Variants in CREB5 observed in about 807,000 individuals in gnomAD.
CREB5 encodes the protein cyclic AMP-responsive element-binding protein 5.
Under a neutral mutation model 57.1 loss-of-function variants are expected in CREB5, and 19 were observed. That is an observed-to-expected ratio of 0.33 (90% CI 0.23 to 0.49). The LOEUF is 0.49. Ranked by LOEUF, CREB5 falls within the 20% of genes least tolerant of loss-of-function variation. The probability of loss-of-function intolerance (pLI) is 0.99; values close to 1 mark genes in which losing one functional copy is unlikely to be tolerated. For missense variants in CREB5, 579 were observed against 671.6 expected, an observed-to-expected ratio of 0.86 and a Z score of 1.52; for synonymous variants, 238 against 238.3, an observed-to-expected ratio of 1.00 and a Z score of 0.01.
rs1487531757 is a variant in CREB5, at chr7:28,678,875, T to C, written c.465-39878T>C. On this transcript the variant is annotated intron_variant, in intron 5 of 10. Transcript: ENST00000357727. ...AGAAACCCTCTTAATAAATCAGTGC[T>C]GGTGAACTTCTCTGCTCAGTGTAAG... Among the ~76,000 whole-genome samples, 4 of 152,312 alleles carry C rather than the reference T, an allele frequency of 2.6e-5. No homozygotes were observed. The East Asian group carries it at 7.7e-4, about 29-fold the overall frequency.
At chr7:28,470,310 G>A (rs1379534516) in intron 1 of CREB5, among the ~76,000 whole-genome samples, 2 of 152,166 alleles carry the variant, frequency 1.3e-5, no homozygotes, top group African/African-American at 2.4e-5. Context: ...CCATGAAGAA[G>A]AGAGAACATG....
chr7:28,512,676 T>A (rs1562766653), intron 4 of CREB5, among the ~76,000 whole-genome samples: 1 of 152,100 alleles, frequency 6.6e-6, no homozygotes, highest in East Asian at 1.9e-4. Context: ...TGTATGTGTG[T>A]GTGTGTAAGG....
At chr7:28,516,900 A>T (rs1400411854) in intron 4 of CREB5, among the ~76,000 whole-genome samples, 1 of 152,142 alleles carries the variant, frequency 6.6e-6, no homozygotes, top group Non-Finnish European at 1.5e-5. Flanking sequence ...GTAATTCAGG[A>T]TTTCTGACGT....
intron 4 of CREB5, among the ~76,000 whole-genome samples, chr7:28,512,716 G>C (rs1233024916): frequency 6.6e-6 from 1 of 151,946 alleles, no homozygotes; most frequent in Non-Finnish European, 1.5e-5. Flanking sequence ...GACTAGAAAT[G>C]AACTCCTTTG....
chr7:28,560,841 TGTGCGCGTGTGTGTGTGC>T lies in CREB5; in HGVS notation c.292-9520_292-9503del, dbSNP rs1795097626. Among the ~76,000 whole-genome samples the T allele has an allele frequency of 2.7e-5, 2 of 75,062 alleles. 1 individual carries two copies. The highest frequency in any genetic ancestry group is 5.8e-5 in the Non-Finnish European group (2 of 34,434). 49.2% of individuals were successfully genotyped at this position (75,062 alleles called of 152,430 possible). On this transcript the variant is annotated intron_variant, in intron 4 of 10. Transcript: ENST00000357727. ...GTGTGTGCGCGCGCGCGCGTGTGTG[TGTGCGCGTGTGTGTGTGC>T]GTGTGCCTGCGTGCGCGTGCGTGCG... is the stretch of plus-strand genomic sequence containing the variant.
intron 1 of CREB5, among the ~76,000 whole-genome samples, chr7:28,418,491 C>A (rs1022133879): frequency 3.3e-5 from 5 of 152,142 alleles, no homozygotes; most frequent in African/African-American, 9.7e-5. Flanking sequence ...CCTCTGCATC[C>A]CCAAATTCAT....
In CREB5 at chr7:28,412,646, C is replaced by T. The variant is rs1787851300; in HGVS notation, c.-269C>T. The T allele has an allele frequency of 2.9e-6, 1 of 347,208 alleles. No homozygotes were observed. The highest frequency in any genetic ancestry group is 5.2e-6 in the Non-Finnish European group (1 of 193,982). The allele number at this position is 347,208 out of a possible 1,614,324, so 21.5% of individuals were successfully genotyped here. On this transcript the variant is annotated 5_prime_UTR_variant, in exon 1 of 11. Transcript: ENST00000357727. The stretch of plus-strand genomic sequence containing the variant: ...TCAAGACTACTGGAAAAATTAGTCT[C>T]ATTACTAAAAGAAACTTAGAGAACG...
At chr7:28,423,095 C>G (rs174019) in intron 1 of CREB5, among the ~76,000 whole-genome samples, 2 of 151,876 alleles carry the variant, frequency 1.3e-5, no homozygotes, top group African/African-American at 4.8e-5. Context: ...TCTTCCTTTT[C>G]TCCTGCTTCT....
At chr7:28,705,082 C>T (rs956889532) in intron 5 of CREB5, among the ~76,000 whole-genome samples, 27 of 152,108 alleles carry the variant, frequency 1.8e-4, no homozygotes, top group African/African-American at 4.6e-4. Context: ...ACCAAGCTAT[C>T]GGCTGGGCAT....
intron 7 of CREB5, among the ~76,000 whole-genome samples, chr7:28,768,155 A>G (rs778839163): frequency 4.6e-5 from 7 of 152,246 alleles, no homozygotes; most frequent in Non-Finnish European, 1.0e-4. Context: ...TCTGAGGGGC[A>G]TGTTCCAGAG....
At chr7:28,341,102 C>T (rs1266409451) in intron 1 of CREB5, among the ~76,000 whole-genome samples, 1 of 152,100 alleles carries the variant, frequency 6.6e-6, no homozygotes, top group Non-Finnish European at 1.5e-5. Flanking sequence ...GACCGCTCAT[C>T]TGATTGTTTG....
intron 1 of CREB5, among the ~76,000 whole-genome samples, chr7:28,321,844 C>T (rs1583670906): frequency 1.3e-5 from 2 of 152,286 alleles, no homozygotes; most frequent in East Asian, 3.9e-4. Flanking sequence ...CAAGGGGTGG[C>T]CCCCTTCTGA....
At position 28,819,130 on chromosome 7, in the gene CREB5, C is replaced by T; in HGVS notation, c.1378C>T (p.Pro460Ser). 1 of 1,613,328 alleles carries T rather than the reference C, an allele frequency of 6.2e-7. No homozygotes were observed. Among genetic ancestry groups the T allele is most frequent in the African/African-American group, 1.3e-5 (1 of 74,872 alleles). The change falls in exon 11 of 11, where the codon CCT (proline) becomes TCT (serine). Residue 460 changes from proline to serine, a missense_variant. Pro to Ser is a moderately conservative substitution (Grantham distance 74). Transcript: ENST00000357727. ...SQGYLSPESS[P>S]PASPVPACSQ... ...TTTCTCCCTAGGTCCAGAGAGTAGC[C>T]CTCCTGCTAGTCCTGTCCCAGCTTG...
intron 1 of CREB5, among the ~76,000 whole-genome samples, chr7:28,330,794 A>T (rs1217600901): frequency 6.6e-6 from 1 of 152,212 alleles, no homozygotes; most frequent in Non-Finnish European, 1.5e-5. Context: ...AATTTGCAGT[A>T]ATTGGACTTG....
intron 4 of CREB5, among the ~76,000 whole-genome samples, chr7:28,528,846 C>A (rs1473251349): frequency 2.0e-5 from 3 of 151,694 alleles, no homozygotes; most frequent in Non-Finnish European, 2.9e-5. Context: ...TATTTATTTC[C>A]CTTCTTTGGC....
intron 4 of CREB5, among the ~76,000 whole-genome samples, chr7:28,554,387 T>G (rs2128635542): frequency 6.6e-6 from 1 of 152,358 alleles, no homozygotes; most frequent in African/African-American, 2.4e-5. Context: ...CACCTCAGAC[T>G]TGGAATTTCT....
At chr7:28,365,307 A>G (rs979445613) in intron 1 of CREB5, among the ~76,000 whole-genome samples, 2 of 152,174 alleles carry the variant, frequency 1.3e-5, no homozygotes, top group African/African-American at 4.8e-5. Flanking sequence ...ACTGGCGTCT[A>G]TACCCATACA....
Position 28,550,996 on chromosome 7 carries a change from CT to C in CREB5, c.292-19368del, listed in dbSNP as rs530020795. 2.1e-4 allele frequency among the ~76,000 whole-genome samples: 32 copies of C among 152,244 alleles called. No homozygotes were observed. The East Asian group carries it at 6.0e-3, about 29-fold the overall frequency. Reference sequence around the variant, plus strand: ...ACAAGCTTTAGGGGGTAATTACTTTCTGAATACTTGATGTGGATTTGCTGAG... The same window carrying C: ...ACAAGCTTTAGGGGGTAATTACTTTCGAATACTTGATGTGGATTTGCTGAG... On this transcript the variant is annotated intron_variant, in intron 4 of 10. Coordinates refer to ENST00000357727, the MANE Select transcript of CREB5 (RefSeq NM_182898.4).
intron 7 of CREB5, among the ~76,000 whole-genome samples, chr7:28,770,624 A>G (rs1163750449): frequency 6.6e-6 from 1 of 152,250 alleles, no homozygotes; most frequent in East Asian, 1.9e-4. Context: ...AGACAGTTAC[A>G]TCAATGATCA....
Sources: allele counts gnomAD v4.1 joint callset (sites outside exome capture counted in the v4.1 genomes callset), GRCh38; gene constraint gnomAD v4.1.1; transcripts MANE v1.5; gene names NCBI Gene and HGNC (gene_info 2026-07-23, HGNC 2026-07-21).